The following ZFHX3 variants were observed in gnomAD, a reference collection of about 807,000 sequenced individuals.
ZFHX3 encodes the protein zinc finger homeobox 3, also known as zinc finger homeobox protein 3.
ZFHX3 carries 42 observed loss-of-function variants against 279.1 expected under a neutral mutation model. That is an observed-to-expected ratio of 0.15 (90% CI 0.12 to 0.19). The LOEUF is 0.19. Among genes scored for constraint, ZFHX3 ranks in the 10% least tolerant of loss-of-function variants. The pLI, the probability that ZFHX3 is intolerant of heterozygous loss-of-function variation, is 1.00. For synonymous variants in ZFHX3, 2,293 were observed against 1,957.8 expected (o/e 1.17, Z -4.52); for missense variants, 4,981 against 4,754.0 (o/e 1.05, Z -1.40).
chr16:73,544,519 C>A (rs1480585566), intron 2 of ZFHX3, among the ~76,000 whole-genome samples: 1 of 152,046 alleles, frequency 6.6e-6, no homozygotes, highest in African/African-American at 2.4e-5. Context: ...CGGGTTTGGC[C>A]GCTGTCTGCT....
At chr16:73,842,600 G>A (rs1322182567) in intron 1 of ZFHX3, among the ~76,000 whole-genome samples, 1 of 152,122 alleles carries the variant, frequency 6.6e-6, no homozygotes. Context: ...ATAAGTATGT[G>A]TGCATGTGCG....
At chr16:73,873,011 T>G (rs1051156593) in intron 1 of ZFHX3, among the ~76,000 whole-genome samples, 1 of 2,032 alleles carries the variant, frequency 4.9e-4, no homozygotes. Context: ...GGGTGGGTGG[T>G]GGGTGGCGGG....
At chr16:73,411,207 A>T (rs7189738) in intron 3 of ZFHX3, among the ~76,000 whole-genome samples, 132,449 of 152,200 alleles carry the variant, frequency 0.87, 57,863 homozygotes, top group African/African-American at 0.92. Flanking sequence ...TGAATTTCCG[A>T]CTTTAGAACC....
intron 4 of ZFHX3, among the ~76,000 whole-genome samples, chr16:72,871,944 G>C (rs1269119895): frequency 6.6e-6 from 1 of 152,070 alleles, no homozygotes; most frequent in African/African-American, 2.4e-5. Context: ...AATTAGCCAG[G>C]CGTGCTGGTG....
intron 1 of ZFHX3, among the ~76,000 whole-genome samples, chr16:73,022,054 C>T (rs768941180): frequency 2.6e-5 from 4 of 152,146 alleles, no homozygotes; most frequent in Admixed American, 2.6e-4. Flanking sequence ...CCCCTGCCCT[C>T]GTCCCGCCTC....
At chr16:73,576,279 A>G (rs1426580840) in intron 2 of ZFHX3, among the ~76,000 whole-genome samples, 1 of 152,210 alleles carries the variant, frequency 6.6e-6, no homozygotes, top group Admixed American at 6.5e-5. Context: ...TCAACTTGTA[A>G]AAACAATATT....
intron 7 of ZFHX3, among the ~76,000 whole-genome samples, chr16:73,128,554 C>T (rs75648935): frequency 0.086 from 13,123 of 151,892 alleles, 735 homozygotes; most frequent in South Asian, 0.18. Flanking sequence ...TACTGGCTCT[C>T]AGCTTGGGTA....
chr16:73,702,999 T>C (rs543423912), intron 1 of ZFHX3, among the ~76,000 whole-genome samples: 2 of 151,996 alleles, frequency 1.3e-5, no homozygotes, highest in East Asian at 1.9e-4. Flanking sequence ...ATAGCGATGG[T>C]GGTGATAGTG....
chr16:73,467,503 C>T (rs768694400), intron 2 of ZFHX3, among the ~76,000 whole-genome samples: 12 of 152,002 alleles, frequency 7.9e-5, no homozygotes, highest in African/African-American at 2.2e-4. Flanking sequence ...GGTAGTGCAC[C>T]GACAGGCACA....
chr16:73,719,476 A>G (rs2053452274), intron 1 of ZFHX3, among the ~76,000 whole-genome samples: 2 of 152,260 alleles, frequency 1.3e-5, no homozygotes, highest in Admixed American at 6.5e-5. Flanking sequence ...AGCCAACTCA[A>G]TAAAACTTCT....
intron 8 of ZFHX3, among the ~76,000 whole-genome samples, chr16:73,070,420 TA>T (rs771602831): frequency 1.3e-5 from 2 of 152,004 alleles, no homozygotes; most frequent in South Asian, 2.1e-4. Context: ...CCACCTCTAT[TA>T]TTTTTTTTTA....
At chr16:73,381,463 T>C (rs184471565) in intron 3 of ZFHX3, among the ~76,000 whole-genome samples, 1 of 152,136 alleles carries the variant, frequency 6.6e-6, no homozygotes, top group East Asian at 1.9e-4. Context: ...GACAAAGAGA[T>C]GAGTGGAAAA....
intron 1 of ZFHX3, among the ~76,000 whole-genome samples, chr16:73,733,098 T>C (rs1347479548): frequency 2.5e-5 from 1 of 39,296 alleles, no homozygotes; most frequent in Non-Finnish European, 9.8e-5. Flanking sequence ...AAAATAAGCA[T>C]TGAAATAAAA....
At chr16:72,938,643 C>T (rs1477595850) in intron 3 of ZFHX3, among the ~76,000 whole-genome samples, 1 of 152,202 alleles carries the variant, frequency 6.6e-6, no homozygotes, top group Admixed American at 6.5e-5. Flanking sequence ...AATCGGCACG[C>T]CCCCAAGGCA....
chr16:73,452,474 C>G (rs576795691), intron 3 of ZFHX3, among the ~76,000 whole-genome samples: 2 of 152,166 alleles, frequency 1.3e-5, no homozygotes, highest in African/African-American at 4.8e-5. Context: ...TGCAGGCAGG[C>G]AGTCCTAGGT....
intron 2 of ZFHX3, among the ~76,000 whole-genome samples, chr16:73,653,876 G>A (rs1253713953): frequency 6.6e-6 from 1 of 152,014 alleles, no homozygotes; most frequent in Non-Finnish European, 1.5e-5. Context: ...ACTGCAGATG[G>A]TGCCATCATT....
At chr16:73,591,385 C>T (rs9972642) in intron 2 of ZFHX3, among the ~76,000 whole-genome samples, 1 of 147,626 alleles carries the variant, frequency 6.8e-6, no homozygotes, top group Non-Finnish European at 1.5e-5. Flanking sequence ...AACAAACAAA[C>T]AAAAATCCAG....
chr16:73,105,408 T>TACACACACACATATATATATATAC (rs1966288231), intron 7 of ZFHX3, among the ~76,000 whole-genome samples: 2 of 82,808 alleles, frequency 2.4e-5, no homozygotes, highest in East Asian at 7.4e-4. Flanking sequence ...TATATATATA[T>TACACACACACATATATATATATAC]ACACACACAC....
At chr16:72,818,600 G>C (rs1160826101) in intron 5 of ZFHX3, among the ~76,000 whole-genome samples, 1 of 152,200 alleles carries the variant, frequency 6.6e-6, no homozygotes, top group African/African-American at 2.4e-5. Flanking sequence ...GGGGAAGAGG[G>C]GAAGGGGATT....
Sources: allele counts gnomAD v4.1 joint callset (sites outside exome capture counted in the v4.1 genomes callset), GRCh38; gene constraint gnomAD v4.1.1; transcripts MANE v1.5; gene names NCBI Gene and HGNC (gene_info 2026-07-23, HGNC 2026-07-21).